HPSE2: variants seen among roughly 807,000 people sequenced by gnomAD.
HPSE2 encodes the protein heparanase 2 (inactive).
Under a neutral mutation model 60.5 loss-of-function variants are expected in HPSE2, and 38 were observed. That is an observed-to-expected ratio of 0.63 (90% CI 0.48 to 0.82). The LOEUF (loss-of-function observed/expected upper bound fraction) is 0.82. Among genes scored for constraint, HPSE2 ranks in the 40% least tolerant of loss-of-function variants. The pLI is 0.00. For synonymous variants in HPSE2, 295 were observed against 293.2 expected, an observed-to-expected ratio of 1.01 and a Z score of -0.06; for missense variants, 713 against 740.4, an observed-to-expected ratio of 0.96 and a Z score of 0.43.
At position 99,224,393 on chromosome 10, in the gene HPSE2, A is replaced by G. The variant is rs183377753; in HGVS notation, c.448+7955T>C. On this transcript the variant is annotated intron_variant, in intron 2 of 11. Transcript: ENST00000370552. ...TGAAACACAAAATTCTCTCATTCTC[A>G]TATTCATTCTCACTCTCTTTCTCTC... Among the ~76,000 whole-genome samples, 3 of 150,546 alleles carry G rather than the reference A, an allele frequency of 2.0e-5. No individual in the cohort carries two copies. The East Asian group carries it at 5.9e-4, about 29-fold the overall frequency.
At chr10:98,497,646 CA>C (rs1164958448) in intron 9 of HPSE2, among the ~76,000 whole-genome samples, 1 of 152,014 alleles carries the variant, frequency 6.6e-6, no homozygotes, top group Admixed American at 6.6e-5. Context: ...TACATATTTT[CA>C]GGGTGCATGC....
chr10:98,522,402 GAGGCAGTT>G (rs1942826210), intron 9 of HPSE2, among the ~76,000 whole-genome samples: 2 of 152,144 alleles, frequency 1.3e-5, no homozygotes, highest in South Asian at 4.1e-4. Flanking sequence ...AGCAAAGTGT[GAGGCAGTT>G]CCCGGGGGGC....
intron 6 of HPSE2, among the ~76,000 whole-genome samples, chr10:98,674,266 A>AT (rs1388229374): frequency 1.3e-5 from 2 of 152,370 alleles, no homozygotes; most frequent in East Asian, 1.9e-4. Context: ...GAGGATATGC[A>AT]TTTTGAGACA....
In HPSE2 at chr10:99,232,199, A is replaced by ACG. The variant is rs200931222; in HGVS notation, c.448+147_448+148dup. On this transcript the variant is annotated intron_variant, in intron 2 of 11. Transcript: ENST00000370552. ...AACCAGGCTCTCCAAATCTGCCCCAACGCGCGCGCGCGCATACACACACAC... is the reference window on the plus strand; with the variant it reads ...AACCAGGCTCTCCAAATCTGCCCCAACGCGCGCGCGCGCGCATACACACACAC... 3.1e-4 allele frequency: 318 copies of ACG among 1,022,402 alleles called. 3 individuals carry two copies. The African/African-American group carries it at 4.1e-3, about 13-fold the overall frequency. 63.3% of individuals were successfully genotyped at this position (1,022,402 alleles called of 1,614,324 possible). A position where few individuals can be genotyped will look rare whatever the true frequency, so the allele number is the denominator to read the frequency against.
At chr10:98,691,529 C>T (rs1469858656) in intron 6 of HPSE2, among the ~76,000 whole-genome samples, 2 of 152,176 alleles carry the variant, frequency 1.3e-5, no homozygotes, top group African/African-American at 2.4e-5. Context: ...TAAAGCCATA[C>T]ATTCTTAGCC....
chr10:99,058,518 A>C (rs1202186598), intron 3 of HPSE2, among the ~76,000 whole-genome samples: 1 of 152,154 alleles, frequency 6.6e-6, no homozygotes, highest in Non-Finnish European at 1.5e-5. Context: ...CAAATTTCCC[A>C]ATACCAGCCA....
At chr10:98,703,956 AG>A (rs1948478873) in intron 5 of HPSE2, among the ~76,000 whole-genome samples, 1 of 152,186 alleles carries the variant, frequency 6.6e-6, no homozygotes, top group South Asian at 2.1e-4. Context: ...GTATTCAAAT[AG>A]GAAGAGAGGA....
intron 9 of HPSE2, among the ~76,000 whole-genome samples, chr10:98,582,771 T>C (rs570658512): frequency 1.3e-5 from 2 of 152,352 alleles, no homozygotes; most frequent in South Asian, 4.1e-4. Flanking sequence ...ACATATCATA[T>C]AATTCACCCA....
the HPSE2 span, among the ~76,000 whole-genome samples, chr10:99,241,747 C>T: frequency 2.0e-5 from 3 of 152,096 alleles, no homozygotes; most frequent in Non-Finnish European, 2.9e-5. Flanking sequence ...GGTAACAGAA[C>T]GAGACCTTAT....
intron 9 of HPSE2, among the ~76,000 whole-genome samples, chr10:98,595,078 C>CA (rs1337765790): frequency 6.6e-6 from 1 of 151,098 alleles, no homozygotes; most frequent in Non-Finnish European, 1.5e-5. Context: ...TTTTTTTCAT[C>CA]AATGTTTTAT....
intron 6 of HPSE2, among the ~76,000 whole-genome samples, chr10:98,677,499 C>T (rs995871132): frequency 6.6e-6 from 1 of 152,120 alleles, no homozygotes; most frequent in African/African-American, 2.4e-5. Context: ...TATGAGGGCT[C>T]AATGTATTGT....
At chr10:98,572,068 G>A (rs996860893) in intron 9 of HPSE2, among the ~76,000 whole-genome samples, 9 of 151,358 alleles carry the variant, frequency 5.9e-5, no homozygotes, top group African/African-American at 2.2e-4. Context: ...AGCCTCCCAA[G>A]TAGCTGGGAT....
intron 3 of HPSE2, among the ~76,000 whole-genome samples, chr10:99,100,651 G>C (rs1256673018): frequency 6.6e-6 from 1 of 152,096 alleles, no homozygotes; most frequent in Non-Finnish European, 1.5e-5. Context: ...ACGCCACAAA[G>C]ATACTCCTCA....
the HPSE2 span, among the ~76,000 whole-genome samples, chr10:99,264,133 G>A: frequency 4.2e-5 from 6 of 142,200 alleles, no homozygotes; most frequent in African/African-American, 1.5e-4. Context: ...TGTCGCCCAG[G>A]CTGGAGTGTG....
At chr10:98,992,478 G>T (rs922330217) in intron 3 of HPSE2, among the ~76,000 whole-genome samples, 3 of 152,092 alleles carry the variant, frequency 2.0e-5, no homozygotes, top group Admixed American at 1.3e-4. Context: ...AGGCCATGAG[G>T]GTTTGATTTC....
chr10:98,499,476 C>T (rs1409250778), intron 9 of HPSE2, among the ~76,000 whole-genome samples: 2 of 152,156 alleles, frequency 1.3e-5, no homozygotes, highest in Admixed American at 1.3e-4. Flanking sequence ...ACTACCAAGC[C>T]ACCACTACAA....
chr10:98,464,814 A>G (rs1243007499), intron 11 of HPSE2, among the ~76,000 whole-genome samples: 1 of 152,194 alleles, frequency 6.6e-6, no homozygotes, highest in Non-Finnish European at 1.5e-5. Context: ...TGCGCCAATT[A>G]CTATTGCTCT....
At chr10:98,635,775 C>G (rs1019511014) in intron 7 of HPSE2, among the ~76,000 whole-genome samples, 3 of 126,382 alleles carry the variant, frequency 2.4e-5, no homozygotes, top group Non-Finnish European at 3.4e-5. Flanking sequence ...GAACAAGACC[C>G]CATCTCATGA....
chr10:98,788,541 A>C (rs1950581694), intron 3 of HPSE2, among the ~76,000 whole-genome samples: 1 of 151,240 alleles, frequency 6.6e-6, no homozygotes, highest in African/African-American at 2.4e-5. Flanking sequence ...CCCCTCCCCC[A>C]GCCTCGTTGC....
Sources: allele counts gnomAD v4.1 joint callset (sites outside exome capture counted in the v4.1 genomes callset), GRCh38; gene constraint gnomAD v4.1.1; transcripts MANE v1.5; gene names NCBI Gene and HGNC (gene_info 2026-07-23, HGNC 2026-07-21).